Variants in LDB2 observed in about 807,000 individuals in gnomAD.
LDB2 encodes LIM domain-binding protein 2.
A neutral mutation model predicts 44.3 loss-of-function variants in LDB2; 12 were observed. That is an observed-to-expected ratio of 0.27 (90% CI 0.17 to 0.44). LDB2 has a LOEUF of 0.44. LDB2 is among the 20% of genes least tolerant of loss of function. The pLI, the probability that LDB2 is intolerant of heterozygous loss-of-function variation, is 1.00. For synonymous variants in LDB2, 164 were observed against 174.8 expected, an observed-to-expected ratio of 0.94 and a Z score of 0.49; for missense variants, 344 against 473.5, an observed-to-expected ratio of 0.73 and a Z score of 2.54.
chr4:16,777,453 G>A (rs558036977), intron 1 of LDB2, among the ~76,000 whole-genome samples: 7 of 152,246 alleles, frequency 4.6e-5, no homozygotes, highest in Non-Finnish European at 7.4e-5. Flanking sequence ...GCTCATCCAG[G>A]CATTGGAAGC....
chr4:16,734,449 A>C (rs1056519228), intron 2 of LDB2, among the ~76,000 whole-genome samples: 3 of 152,230 alleles, frequency 2.0e-5, no homozygotes, highest in Non-Finnish European at 4.4e-5. Context: ...CCTTGGACTC[A>C]GAATTTGTTG....
chr4:16,811,362 G>A (rs1424661459), intron 1 of LDB2, among the ~76,000 whole-genome samples: 2 of 152,158 alleles, frequency 1.3e-5, no homozygotes, highest in Non-Finnish European at 2.9e-5. Flanking sequence ...GATGCTTTCT[G>A]TCAGATTGAT....
chr4:16,787,187 G>A (rs952794186), intron 1 of LDB2, among the ~76,000 whole-genome samples: 22 of 152,244 alleles, frequency 1.4e-4, no homozygotes, highest in Non-Finnish European at 2.1e-4. Flanking sequence ...CAATAAACAC[G>A]TATTGAACAG....
chr4:16,637,596 A>G (rs1733972659), intron 2 of LDB2, among the ~76,000 whole-genome samples: 1 of 152,080 alleles, frequency 6.6e-6, no homozygotes, highest in African/African-American at 2.4e-5. Context: ...AAATTAATAT[A>G]TAGTAATTAA....
At chr4:16,814,587 C>T (rs970579456) in intron 1 of LDB2, among the ~76,000 whole-genome samples, 2 of 152,206 alleles carry the variant, frequency 1.3e-5, no homozygotes, top group Non-Finnish European at 2.9e-5. Flanking sequence ...ACAGGAGTCA[C>T]ATTCTGTTTT....
At chr4:16,827,414 A>G (rs1310054377) in intron 1 of LDB2, among the ~76,000 whole-genome samples, 2 of 152,154 alleles carry the variant, frequency 1.3e-5, no homozygotes, top group East Asian at 3.9e-4. Flanking sequence ...CGTATTCAGA[A>G]TTTTCCTACC....
In LDB2 at chr4:16,504,219, A is replaced by G. The variant is rs141035746; in HGVS notation, c.892-1346T>C. Among the ~76,000 whole-genome samples, 783 of 152,332 alleles carry G rather than the reference A, an allele frequency of 5.1e-3. 6 individuals carry two copies. Among genetic ancestry groups the G allele is most frequent in the African/African-American group, 0.018 (749 of 41,588 alleles). ...TGCCCAGAGAAGGCCTTCCTGGGAC[A>G]GTAGAATGGAATACTGCCTACTGTC... On this transcript the variant is annotated intron_variant, in intron 7 of 7. Coordinates refer to ENST00000304523, the MANE Select transcript of LDB2 (RefSeq NM_001290.5).
At chr4:16,848,153 T>C (rs1787464150) in intron 1 of LDB2, among the ~76,000 whole-genome samples, 4 of 152,190 alleles carry the variant, frequency 2.6e-5, no homozygotes, top group African/African-American at 7.2e-5. Flanking sequence ...ATATATTATA[T>C]TGAAAGTAGG....
At chr4:16,726,423 G>T (rs1327451219) in intron 2 of LDB2, 1 of 150,248 alleles carries the variant, frequency 6.7e-6, no homozygotes, top group Non-Finnish European at 1.5e-5. Context: ...ATCCAGGCAG[G>T]TGCTCTATCC....
rs867595148 is a variant in LDB2, at chr4:16,688,063, C to A, written c.235+71095G>T. Among the ~76,000 whole-genome samples the A allele has an allele frequency of 3.3e-5, 5 of 152,136 alleles. No homozygotes were observed. The South Asian group carries it at 1.0e-3, about 32-fold the overall frequency. ...TGAGTCAGATAAAGAAAATAAGATA[C>A]AAAGACTTACGTGAATTATTCCAAG... On this transcript the variant is annotated intron_variant, in intron 2 of 7. Coordinates refer to ENST00000304523, the MANE Select transcript of LDB2 (RefSeq NM_001290.5).
At chr4:16,630,222 A>C (rs1731523925) in intron 2 of LDB2, among the ~76,000 whole-genome samples, 1 of 152,248 alleles carries the variant, frequency 6.6e-6, no homozygotes, top group Non-Finnish European at 1.5e-5. Flanking sequence ...GAAGCCCAAC[A>C]GACTAACAGT....
chr4:16,669,840 C>T (rs1414393374), intron 2 of LDB2, among the ~76,000 whole-genome samples: 2 of 152,188 alleles, frequency 1.3e-5, no homozygotes, highest in Non-Finnish European at 2.9e-5. Flanking sequence ...TTTGTCACTG[C>T]CAGTGTAATC....
chr4:16,710,712 A>T (rs1479937336), intron 2 of LDB2, among the ~76,000 whole-genome samples: 1 of 152,244 alleles, frequency 6.6e-6, no homozygotes, highest in East Asian at 1.9e-4. Context: ...AGGGGCATCC[A>T]ACTCAGAAAC....
At chr4:16,679,211 G>C (rs902048230) in intron 2 of LDB2, among the ~76,000 whole-genome samples, 1 of 152,028 alleles carries the variant, frequency 6.6e-6, no homozygotes, top group African/African-American at 2.4e-5. Flanking sequence ...AATTTTATCA[G>C]AGTGACTGTA....
chr4:16,851,266 G>A (rs1431765506), intron 1 of LDB2, among the ~76,000 whole-genome samples: 1 of 152,022 alleles, frequency 6.6e-6, no homozygotes, highest in African/African-American at 2.4e-5. Context: ...GCAGGTACGA[G>A]TCAGGAGGGT....
chr4:16,695,851 G>A (rs576951011), intron 2 of LDB2, among the ~76,000 whole-genome samples: 196 of 152,192 alleles, frequency 1.3e-3, no homozygotes, highest in African/African-American at 4.4e-3. Flanking sequence ...CATCTAAAAT[G>A]TAAACATCAT....
At chr4:16,505,204 G>A (rs112454506) in intron 7 of LDB2, among the ~76,000 whole-genome samples, 88 of 152,280 alleles carry the variant, frequency 5.8e-4, no homozygotes, top group African/African-American at 2.0e-3. Flanking sequence ...TAATCTGTTC[G>A]GTGAATCTTT....
intron 2 of LDB2, among the ~76,000 whole-genome samples, chr4:16,755,962 C>T (rs1013501885): frequency 2.6e-5 from 4 of 152,180 alleles, no homozygotes; most frequent in South Asian, 2.1e-4. Context: ...CTTCCACCTG[C>T]CCAATCATAT....
chr4:16,762,495 A>C (rs530285128), intron 1 of LDB2, among the ~76,000 whole-genome samples: 2 of 152,266 alleles, frequency 1.3e-5, no homozygotes, highest in East Asian at 3.9e-4. Context: ...GGCCTCAGGA[A>C]ATTTACAATC....
Sources: gnomAD v4.1 joint callset for allele counts (sites outside exome capture counted in the v4.1 genomes callset) on GRCh38, gnomAD v4.1.1 for gene constraint, MANE v1.5 for transcripts, NCBI Gene and HGNC (gene_info 2026-07-23, HGNC 2026-07-21) for gene names.